BTAF1: variants seen among roughly 807,000 people sequenced by gnomAD.
BTAF1 encodes the protein B-TFIID TATA-box binding protein associated factor 1.
BTAF1 carries 38 observed loss-of-function variants against 227.1 expected under a neutral mutation model. The ratio of observed to expected loss-of-function variants is 0.17; its 90% CI spans 0.13 to 0.22. The LOEUF (loss-of-function observed/expected upper bound fraction) is 0.22. BTAF1 is among the 10% of genes least tolerant of loss of function. The pLI, the probability that BTAF1 is intolerant of heterozygous loss-of-function variation, is 1.00. For missense variants in BTAF1, 1,598 were observed against 2,204.0 expected (o/e 0.73, Z 5.51); for synonymous variants, 742 against 751.9 (o/e 0.99, Z 0.21).
At chr10:91,990,452 A>C (rs1183451156) in intron 20 of BTAF1, among the ~76,000 whole-genome samples, 1 of 151,568 alleles carries the variant, frequency 6.6e-6, no homozygotes, top group East Asian at 1.9e-4. Context: ...CTTGCTTGAG[A>C]TATTTTTTAA....
At chr10:92,006,113 C>G (rs997207629) in intron 25 of BTAF1, among the ~76,000 whole-genome samples, 1 of 152,046 alleles carries the variant, frequency 6.6e-6, no homozygotes, top group African/African-American at 2.4e-5. Context: ...GGGCTCAATC[C>G]TCCACCACAC....
At chr10:91,950,160 GGA>G (rs201466012) in intron 4 of BTAF1, among the ~76,000 whole-genome samples, 37,125 of 118,526 alleles carry the variant, frequency 0.31, 8,793 homozygotes, top group South Asian at 0.55. Context: ...GGGGGGGGCG[GGA>G]AAGAAGACTA....
intron 14 of BTAF1, among the ~76,000 whole-genome samples, chr10:91,970,743 A>G (rs1326294580): frequency 6.6e-5 from 10 of 152,304 alleles, no homozygotes; most frequent in Non-Finnish European, 7.3e-5. Context: ...CTATAAGACT[A>G]TTATATTACA....
rs10561232 is a variant in BTAF1 at position 92,001,946 on chromosome 10, CAAAAAA to C, written c.3660+4211_3660+4216del. 5.9e-5 allele frequency among the ~76,000 whole-genome samples: 5 copies of C among 84,896 alleles called. No homozygotes were observed. In the South Asian group the frequency reaches 2.0e-3, roughly 35 times the overall value. 55.7% of individuals were successfully genotyped at this position (84,896 alleles called of 152,430 possible). A position where few individuals can be genotyped will look rare whatever the true frequency, so the allele number is the denominator to read the frequency against. On this transcript the variant is annotated intron_variant, in intron 25 of 37. Coordinates refer to ENST00000265990, the MANE Select transcript of BTAF1 (RefSeq NM_003972.3). ...TGGACAACATGGTGAAACCCTGTCT[CAAAAAA>C]AAAAAAAAAAAAAAACCATATATAT... is the stretch of plus-strand genomic sequence containing the variant.
chr10:91,943,218 G>A (rs1201992581), intron 4 of BTAF1, among the ~76,000 whole-genome samples: 1 of 152,124 alleles, frequency 6.6e-6, no homozygotes. Flanking sequence ...TGAGGCTGAG[G>A]CAGGAGAATT....
intron 29 of BTAF1, 28 bp from the exon 30 acceptor site, chr10:92,011,258 G>T: frequency 2.7e-6 from 4 of 1,500,464 alleles, no homozygotes; most frequent in Non-Finnish European, 3.6e-6. Flanking sequence ...AGCAAAAGTT[G>T]TAAAATTTTC....
At chr10:92,027,835 A>G (rs1383818281) in intron 37 of BTAF1, among the ~76,000 whole-genome samples, 1 of 152,204 alleles carries the variant, frequency 6.6e-6, no homozygotes, top group African/African-American at 2.4e-5. Flanking sequence ...CTAATATTGT[A>G]AAACCAATAT....
chr10:91,997,605 G>T lies in BTAF1; in HGVS notation c.3514G>T (p.Val1172Leu). ...QEGAIEALAC[V>L]MEQLDVGIVP... The stretch of plus-strand genomic sequence containing the variant: ...AATTTCCTTAATCACTTACTCAGGT[G>T]TAATGGAACAACTAGATGTTGGTAT... Residue 1172 changes from valine (V) to leucine (L), a missense_variant and splice_region_variant, in exon 25 of 38, where the codon GTA becomes TTA. By Grantham distance (32) the Val-to-Leu change is conservative. Around this residue, in one of 10 missense-constraint regions of BTAF1, gnomAD observed 425 missense variants for 491.2 expected, o/e 0.87. Transcript: ENST00000265990. The T allele has an allele frequency of 6.2e-7, 1 of 1,613,220 alleles. No individual in the cohort carries two copies. Among genetic ancestry groups the T allele is most frequent in the Non-Finnish European group, 8.5e-7 (1 of 1,179,406 alleles).
At chr10:92,028,663 C>T in intron 37 of BTAF1, 127 bp from the exon 38 acceptor site, 1 of 867,958 alleles carries the variant, frequency 1.2e-6, no homozygotes, top group Non-Finnish European at 1.7e-6. Context: ...ATGAATTTCC[C>T]CATCACTTGA....
intron 32 of BTAF1, among the ~76,000 whole-genome samples, chr10:92,015,934 T>C (rs1850689588): frequency 6.6e-6 from 1 of 152,342 alleles, no homozygotes; most frequent in Non-Finnish European, 1.5e-5. Context: ...ATACAGGGTC[T>C]TGATCATGTA....
At chr10:91,940,475 T>A (rs1205434727) in intron 3 of BTAF1, among the ~76,000 whole-genome samples, 2 of 152,040 alleles carry the variant, frequency 1.3e-5, no homozygotes, top group Non-Finnish European at 2.9e-5. Flanking sequence ...GAATGTGAAG[T>A]CTTGTTTTTT....
In BTAF1 at chr10:91,940,080, GA is replaced by G. The variant is rs761177483; in HGVS notation, c.253+15del. On this transcript the variant is annotated intron_variant, in intron 3 of 37. Coordinates refer to ENST00000265990, the MANE Select transcript of BTAF1 (RefSeq NM_003972.3). ...GAACCAGACAAGGTGCTTTTAAGTG[GA>G]GAAAGTAGTTTTAAGTAAAAACCTA... 1.5e-5 allele frequency: 23 copies of G among 1,561,620 alleles called. No individual in the cohort carries two copies. The Admixed American group carries it at 2.4e-4, about 16-fold the overall frequency.
chr10:92,014,425 C>G (rs1850563749), intron 32 of BTAF1, among the ~76,000 whole-genome samples: 1 of 152,030 alleles, frequency 6.6e-6, no homozygotes, highest in Non-Finnish European at 1.5e-5. Flanking sequence ...CTGGGTCTTG[C>G]TGTGTTGCCC....
intron 6 of BTAF1, 61 bp from the exon 7 acceptor site, chr10:91,956,467 C>A: frequency 1.4e-6 from 2 of 1,471,408 alleles, no homozygotes; most frequent in Non-Finnish European, 1.8e-6. Context: ...TTATTCATTT[C>A]ATTCATTGTG....
chr10:91,934,512 C>T (rs1464260964), intron 1 of BTAF1, among the ~76,000 whole-genome samples: 2 of 152,278 alleles, frequency 1.3e-5, no homozygotes, highest in Admixed American at 6.5e-5. Flanking sequence ...GCTGGGATTA[C>T]AGACATGACC....
At chr10:92,026,335 G>A (rs905833815) in intron 35 of BTAF1, among the ~76,000 whole-genome samples, 12 of 152,034 alleles carry the variant, frequency 7.9e-5, no homozygotes, top group African/African-American at 2.7e-4. Context: ...TTGCAAGTTA[G>A]TCCTTACCTG....
At chr10:92,004,467 G>C (rs1174428895) in intron 25 of BTAF1, among the ~76,000 whole-genome samples, 1 of 152,048 alleles carries the variant, frequency 6.6e-6, no homozygotes, top group South Asian at 2.1e-4. Context: ...TGTTTTGATT[G>C]TTTTGGGTTT....
intron 4 of BTAF1, among the ~76,000 whole-genome samples, chr10:91,950,332 C>T (rs1456710736): frequency 6.8e-6 from 1 of 147,460 alleles, no homozygotes; most frequent in African/African-American, 2.4e-5. Flanking sequence ...CTGACAATTC[C>T]CCTAAGTAAA....
intron 34 of BTAF1, among the ~76,000 whole-genome samples, chr10:92,022,340 T>C (rs1287546359): frequency 2.0e-5 from 3 of 152,164 alleles, no homozygotes; most frequent in African/African-American, 7.2e-5. Context: ...GATAATTGAG[T>C]GTGCATGACA....
Sources: gnomAD v4.1 joint callset for allele counts (sites outside exome capture counted in the v4.1 genomes callset) on GRCh38, gnomAD v4.1.1 for gene constraint, gnomAD v4.1.1 regional missense constraint, MANE v1.5 for transcripts, NCBI Gene and HGNC (gene_info 2026-07-23, HGNC 2026-07-21) for gene names.